The following FAM227B variants were observed in gnomAD, a reference collection of about 807,000 sequenced individuals.
FAM227B encodes family with sequence similarity 227 member B.
FAM227B carries 88 observed loss-of-function variants against 73.8 expected under a neutral mutation model. That is an observed-to-expected ratio of 1.19 (90% CI 1.00 to 1.42). The LOEUF (loss-of-function observed/expected upper bound fraction) is 1.42, where lower values mean the gene tolerates loss of function less well. Among genes scored for constraint, FAM227B ranks in the 40% most tolerant of loss-of-function variants. FAM227B has a pLI of 0.00. For missense variants in FAM227B, 632 were observed against 590.9 expected, an observed-to-expected ratio of 1.07 and a Z score of -0.72; for synonymous variants, 210 against 190.5, an observed-to-expected ratio of 1.10 and a Z score of -0.84.
chr15:49,524,445 T>C (rs991277453), intron 10 of FAM227B, among the ~76,000 whole-genome samples: 1 of 152,156 alleles, frequency 6.6e-6, no homozygotes, highest in African/African-American at 2.4e-5. Context: ...TCATAGGATG[T>C]ATGGAAATGC....
At chr15:49,585,833 A>C (rs1241501706) in intron 5 of FAM227B, among the ~76,000 whole-genome samples, 1 of 152,154 alleles carries the variant, frequency 6.6e-6, no homozygotes, top group Non-Finnish European at 1.5e-5. Context: ...CCTAAAACTT[A>C]AAGTATAATA....
intron 3 of FAM227B, among the ~76,000 whole-genome samples, chr15:49,600,382 G>A (rs1201017273): frequency 1.3e-5 from 2 of 149,722 alleles, no homozygotes; most frequent in African/African-American, 4.9e-5. Context: ...GGCCAGGCAT[G>A]GTGGCTCATG....
At chr15:49,445,791 T>C (rs1265729773) in intron 11 of FAM227B, among the ~76,000 whole-genome samples, 1 of 151,592 alleles carries the variant, frequency 6.6e-6, no homozygotes, top group Admixed American at 6.6e-5. Flanking sequence ...GAAATAATAG[T>C]AAAAGAGTGT....
intron 11 of FAM227B, among the ~76,000 whole-genome samples, chr15:49,499,229 A>G (rs1012084923): frequency 6.6e-6 from 1 of 151,772 alleles, no homozygotes; most frequent in Non-Finnish European, 1.5e-5. Flanking sequence ...CAATACAACA[A>G]AAAGACTTAA....
chr15:49,471,250 C>G (rs772502026), intron 11 of FAM227B, among the ~76,000 whole-genome samples: 1 of 66,146 alleles, frequency 1.5e-5, no homozygotes, highest in East Asian at 4.9e-4. Context: ...CTTTGGGAGG[C>G]CGAGGTGGGT....
At chr15:49,592,969 C>T (rs943387467) in intron 3 of FAM227B, among the ~76,000 whole-genome samples, 4 of 152,212 alleles carry the variant, frequency 2.6e-5, no homozygotes, top group African/African-American at 7.2e-5. Flanking sequence ...AGCAAAGTTC[C>T]GTGGGCGTGG....
At chr15:49,537,347 G>A (rs2070420474) in intron 10 of FAM227B, among the ~76,000 whole-genome samples, 1 of 151,910 alleles carries the variant, frequency 6.6e-6, no homozygotes, top group African/African-American at 2.4e-5. Flanking sequence ...AATTTTTAGG[G>A]AAATGCAAAT....
At chr15:49,584,063 AAGAGAACTAC>A (rs1484012276) in intron 5 of FAM227B, among the ~76,000 whole-genome samples, 2 of 152,160 alleles carry the variant, frequency 1.3e-5, no homozygotes, top group African/African-American at 2.4e-5. Flanking sequence ...ACAACAAAAA[AAGAGAACTAC>A]AGGCCAATAC....
chr15:49,593,901 G>A (rs968709909), intron 3 of FAM227B, among the ~76,000 whole-genome samples: 1 of 152,172 alleles, frequency 6.6e-6, no homozygotes. Flanking sequence ...GCGAGTGCAA[G>A]TGTCTTTTTT....
chr15:49,611,108 A>G (rs1190301003), intron 3 of FAM227B, 107 bp downstream of exon 3: 2 of 665,106 alleles, frequency 3.0e-6, no homozygotes, highest in African/African-American at 3.6e-5. Flanking sequence ...TCATTGAAAC[A>G]TATTTCTGAA....
At chr15:49,552,228 T>C (rs2073116680) in intron 9 of FAM227B, among the ~76,000 whole-genome samples, 2 of 152,252 alleles carry the variant, frequency 1.3e-5, no homozygotes, top group African/African-American at 4.8e-5. Flanking sequence ...CTTTCCTTCA[T>C]GTTTGAAGGA....
chr15:49,507,628 T>C (rs1311495592), intron 11 of FAM227B, among the ~76,000 whole-genome samples: 1 of 152,086 alleles, frequency 6.6e-6, no homozygotes, highest in African/African-American at 2.4e-5. Flanking sequence ...GCACAAGAAT[T>C]TGGACGTGGC....
At chr15:49,578,899 C>A (rs535367242) in intron 5 of FAM227B, among the ~76,000 whole-genome samples, 1 of 152,130 alleles carries the variant, frequency 6.6e-6, no homozygotes, top group Admixed American at 6.5e-5. Context: ...ATTTGCAAAC[C>A]ATCTATTTAA....
At position 49,335,404 on chromosome 15, in the gene FAM227B, A is replaced by G. The variant is rs369412489; in HGVS notation, c.1349+15T>C. The G allele has an allele frequency of 2.0e-6, 3 of 1,534,630 alleles. No individual in the cohort carries two copies. Among genetic ancestry groups the G allele is most frequent in the Non-Finnish European group, 2.7e-6 (3 of 1,108,150 alleles). On this transcript the variant is annotated intron_variant, in intron 14 of 15. Transcript: ENST00000299338. The stretch of plus-strand genomic sequence containing the variant: ...GTATTATTTTATATTTAACAATAGT[A>G]TAGCATCAACTTACATCCTAAAATC...
rs527555749 is a variant in FAM227B, at chr15:49,549,393, A to G, written c.748-7587T>C. ...GCAGAGGGGGATTTGGCAGGGTCATAGGACAACAGTGGAGGGAAGGTCAGC... is the reference window on the plus strand; with the variant it reads ...GCAGAGGGGGATTTGGCAGGGTCATGGGACAACAGTGGAGGGAAGGTCAGC... On this transcript the variant is annotated intron_variant, in intron 9 of 15. Coordinates refer to ENST00000299338, the MANE Select transcript of FAM227B (RefSeq NM_152647.3). Among the ~76,000 whole-genome samples, 791 of 151,382 alleles carry G rather than the reference A, an allele frequency of 5.2e-3. 10 individuals carry two copies. Among genetic ancestry groups the G allele is most frequent in the African/African-American group, 0.018 (757 of 40,940 alleles).
At chr15:49,329,451 T>C (rs2038185246) in intron 15 of FAM227B, 1 of 984,478 alleles carries the variant, frequency 1.0e-6, no homozygotes, top group African/African-American at 1.7e-5. Context: ...GTGATTTCAT[T>C]AGCTCATTAA....
At chr15:49,424,236 ACAAT>A in intron 11 of FAM227B, 2 of 1,450,340 alleles carry the variant, frequency 1.4e-6, no homozygotes, top group Non-Finnish European at 1.9e-6. Context: ...CCTAGGAGTA[ACAAT>A]CAACTCAAGA....
intron 13 of FAM227B, chr15:49,366,801 C>T (rs1055549178): frequency 7.0e-6 from 4 of 568,196 alleles, no homozygotes; most frequent in Non-Finnish European, 1.2e-5. Flanking sequence ...CTGGGATCGC[C>T]GCTGCTGCAG....
At chr15:49,553,933 T>C (rs1375495593) in intron 9 of FAM227B, among the ~76,000 whole-genome samples, 2 of 152,122 alleles carry the variant, frequency 1.3e-5, no homozygotes, top group African/African-American at 4.8e-5. Flanking sequence ...AGTCTCAGAG[T>C]ATCACCCAGG....
Sources: allele counts gnomAD v4.1 joint callset (sites outside exome capture counted in the v4.1 genomes callset), GRCh38; gene constraint gnomAD v4.1.1; transcripts MANE v1.5; gene names NCBI Gene and HGNC (gene_info 2026-07-23, HGNC 2026-07-21).